The following IGSF10 variants were observed in gnomAD, a reference collection of about 807,000 sequenced individuals.
The protein encoded by IGSF10 is immunoglobulin superfamily member 10, also known as calvaria mechanical force protein 608.
IGSF10 carries 126 observed loss-of-function variants against 128.2 expected under a neutral mutation model. The ratio of observed to expected loss-of-function variants is 0.98; its 90% CI spans 0.85 to 1.14. IGSF10 has a LOEUF of 1.14. Ranked by LOEUF, IGSF10 falls within the 50% of genes most tolerant of loss-of-function variation. The pLI is 0.00. For missense variants in IGSF10, 3,295 were observed against 3,149.8 expected (o/e 1.05, Z -1.10); for synonymous variants, 1,185 against 1,146.2 (o/e 1.03, Z -0.68).
the IGSF10 span, among the ~76,000 whole-genome samples, chr3:151,500,428 T>C: frequency 6.6e-6 from 1 of 152,286 alleles, no homozygotes; most frequent in Admixed American, 6.5e-5. Flanking sequence ...ATCTTAATTT[T>C]ATTTTGGGGC....
At chr3:151,577,527 A>G in the IGSF10 span, among the ~76,000 whole-genome samples, 3 of 152,182 alleles carry the variant, frequency 2.0e-5, no homozygotes, top group South Asian at 6.2e-4. Context: ...ATCTGTACTA[A>G]ATATTGGTTA....
At chr3:151,557,567 A>G in the IGSF10 span, among the ~76,000 whole-genome samples, 1 of 152,048 alleles carries the variant, frequency 6.6e-6, no homozygotes, top group African/African-American at 2.4e-5. Flanking sequence ...ATATTATGCA[A>G]TGATGTTTTC....
At chr3:151,451,819 A>G (rs577923688) in intron 5 of IGSF10, among the ~76,000 whole-genome samples, 36 of 152,348 alleles carry the variant, frequency 2.4e-4, no homozygotes, top group African/African-American at 8.7e-4. Flanking sequence ...AAAAGAATGG[A>G]AACAGAGCAG....
At chr3:151,490,896 T>C in the IGSF10 span, among the ~76,000 whole-genome samples, 1 of 152,124 alleles carries the variant, frequency 6.6e-6, no homozygotes. Context: ...AGGAAGTTTA[T>C]AGCATTAAAT....
the IGSF10 span, among the ~76,000 whole-genome samples, chr3:151,539,249 C>T: frequency 1.3e-5 from 2 of 152,158 alleles, no homozygotes; most frequent in African/African-American, 2.4e-5. Flanking sequence ...CTGCTTCCCA[C>T]GTGGAGGCTT....
At chr3:151,553,168 T>C in the IGSF10 span, among the ~76,000 whole-genome samples, 2 of 152,188 alleles carry the variant, frequency 1.3e-5, no homozygotes, top group Admixed American at 6.6e-5. Context: ...ATTACGGTTA[T>C]ACATCTGAGT....
chr3:151,568,036 T>C, the IGSF10 span, among the ~76,000 whole-genome samples: 1 of 152,336 alleles, frequency 6.6e-6, no homozygotes, highest in East Asian at 1.9e-4. Context: ...TGTTTTCTTC[T>C]GGGCCTCAAT....
At chr3:151,517,336 T>A in the IGSF10 span, among the ~76,000 whole-genome samples, 8 of 152,144 alleles carry the variant, frequency 5.3e-5, no homozygotes, top group South Asian at 1.5e-3. Context: ...GTAGACTGTT[T>A]AGCTCATTCT....
chr3:151,575,021 C>T, the IGSF10 span, among the ~76,000 whole-genome samples: 1 of 152,168 alleles, frequency 6.6e-6, no homozygotes, highest in South Asian at 2.1e-4. Flanking sequence ...CCACTCAAGA[C>T]CCTGTTTGCC....
At chr3:151,537,163 A>G in the IGSF10 span, among the ~76,000 whole-genome samples, 3 of 152,330 alleles carry the variant, frequency 2.0e-5, no homozygotes, top group South Asian at 2.1e-4. Context: ...AGTTGGGCAC[A>G]TTAGTATTTG....
chr3:151,477,426 T>C, the IGSF10 span, among the ~76,000 whole-genome samples: 1 of 152,178 alleles, frequency 6.6e-6, no homozygotes, highest in Non-Finnish European at 1.5e-5. Context: ...GGAAGTTTCT[T>C]AGGGGAGGTG....
the IGSF10 span, among the ~76,000 whole-genome samples, chr3:151,468,054 T>G: frequency 1.3e-5 from 2 of 152,148 alleles, no homozygotes; most frequent in South Asian, 4.1e-4. Flanking sequence ...TTAGAGACAT[T>G]GTTTGTGAAA....
intron 4 of IGSF10, 115 bp from the exon 5 acceptor site, chr3:151,453,889 T>G (rs1243096494): frequency 2.2e-5 from 13 of 601,146 alleles, no homozygotes; most frequent in Non-Finnish European, 3.1e-5. Flanking sequence ...TTTATATACC[T>G]TCTTAGGATC....
At chr3:151,565,673 A>G in the IGSF10 span, among the ~76,000 whole-genome samples, 1 of 152,122 alleles carries the variant, frequency 6.6e-6, no homozygotes, top group African/African-American at 2.4e-5. Context: ...TTATATTTTT[A>G]GACCTACTAA....
chr3:151,480,113 C>T, the IGSF10 span, among the ~76,000 whole-genome samples: 7 of 152,024 alleles, frequency 4.6e-5, no homozygotes, highest in Admixed American at 2.6e-4. Flanking sequence ...GCAAGATGGC[C>T]GACTAGAAGC....
Position 151,447,759 on chromosome 3 carries a change from C to G in IGSF10, c.2222G>C (p.Arg741Thr), listed in dbSNP as rs1300291370. Residue 741 changes from arginine (R) to threonine (T), a missense_variant, in exon 6 of 8, where the codon AGG becomes ACG. Transcript: ENST00000282466. ...DSTHRRFRENRRHFPPSARRI... is the reference protein window; with the variant it reads ...DSTHRRFRENTRHFPPSARRI... ...CCTAGCAGAGGGAGGGAAATGCCTC[C>G]TATTCTCCCTAAAACGTCGATGTGT... 1 of 1,614,020 alleles carries G rather than the reference C, an allele frequency of 6.2e-7. No individual in the cohort carries two copies. Among genetic ancestry groups the G allele is most frequent in the Non-Finnish European group, 8.5e-7 (1 of 1,180,016 alleles).
At position 151,447,819 on chromosome 3, in the gene IGSF10, T is replaced by C. The variant is rs1339590572; in HGVS notation, c.2162A>G (p.Tyr721Cys). 9 of 1,614,158 alleles carry C rather than the reference T, an allele frequency of 5.6e-6. No homozygotes were observed. Among genetic ancestry groups the C allele is most frequent in the South Asian group, 1.1e-5 (1 of 91,084 alleles). Residue 721 changes from tyrosine (Y) to cysteine (C), a missense_variant, in exon 6 of 8, where the codon TAT (tyrosine) becomes TGT (cysteine). Coordinates refer to ENST00000282466, the MANE Select transcript of IGSF10 (RefSeq NM_178822.5). ...HTSSTSKRHN[Y>C]RELTLQRRGD... ...ACGTCGCTGGAGTGTTAATTCCCGA[T>C]AGTTGTGCCTCTTACTTGTGCTTGA...
Position 151,446,563 on chromosome 3 carries a change from C to CA in IGSF10, c.3417dup (p.Gly1140TrpfsTer28). On this transcript the variant is annotated frameshift_variant, in exon 6 of 8. Transcript: ENST00000282466. LOFTEE classifies it high-confidence loss of function. ...GTTGGAGCATATGTCATGACTGCACCAGTTGGAGTCACTTGGGAAATTTCA... is the reference window on the plus strand; with the variant it reads ...GTTGGAGCATATGTCATGACTGCACCAAGTTGGAGTCACTTGGGAAATTTCA... 2 of 1,613,992 alleles carry CA rather than the reference C, an allele frequency of 1.2e-6. No homozygotes were observed. The highest frequency in any genetic ancestry group is 1.7e-6 in the Non-Finnish European group (2 of 1,179,928).
the IGSF10 span, among the ~76,000 whole-genome samples, chr3:151,601,306 G>C: frequency 1.3e-5 from 2 of 152,116 alleles, no homozygotes; most frequent in Non-Finnish European, 2.9e-5. Flanking sequence ...GTCCGAAAAT[G>C]ATTAGAATAA....
Sources: gnomAD v4.1 joint callset for allele counts (sites outside exome capture counted in the v4.1 genomes callset) on GRCh38, gnomAD v4.1.1 for gene constraint, MANE v1.5 for transcripts, NCBI Gene and HGNC (gene_info 2026-07-23, HGNC 2026-07-21) for gene names.